FBN2: variants seen among roughly 807,000 people sequenced by gnomAD.
FBN2 encodes fibrillin 2, also known as fibrillin-2.
FBN2 carries 105 observed loss-of-function variants against 355.6 expected under a neutral mutation model. That is an observed-to-expected ratio of 0.30 (90% CI 0.25 to 0.35). The LOEUF is 0.35. Among genes scored for constraint, FBN2 ranks in the 10% least tolerant of loss-of-function variants. The probability of loss-of-function intolerance (pLI) is 1.00; values close to 1 mark genes in which losing one functional copy is unlikely to be tolerated. For missense variants in FBN2, 3,280 were observed against 3,758.7 expected (o/e 0.87, Z 3.33); for synonymous variants, 1,350 against 1,301.2 (o/e 1.04, Z -0.81).
At chr5:128,359,960 G>T (rs765037382) in intron 19 of FBN2, among the ~76,000 whole-genome samples, 1 of 152,156 alleles carries the variant, frequency 6.6e-6, no homozygotes, top group South Asian at 2.1e-4. Flanking sequence ...TCCGCATTAC[G>T]TGTCTCTCAC....
intron 33 of FBN2, among the ~76,000 whole-genome samples, chr5:128,329,969 A>C (rs1355049324): frequency 6.6e-6 from 1 of 152,144 alleles, no homozygotes; most frequent in East Asian, 1.9e-4. Context: ...TATTTACTGA[A>C]ATTTTGTGAT....
intron 5 of FBN2, among the ~76,000 whole-genome samples, chr5:128,480,994 C>T (rs1479609246): frequency 1.3e-5 from 2 of 152,126 alleles, no homozygotes; most frequent in African/African-American, 4.8e-5. Flanking sequence ...AAATGGATAG[C>T]AGGATCCTTC....
intron 11 of FBN2, among the ~76,000 whole-genome samples, chr5:128,390,228 A>G (rs1752476341): frequency 6.6e-6 from 1 of 152,226 alleles, no homozygotes. Context: ...TCTCACTGTT[A>G]AACTTTTTGT....
Position 128,300,778 on chromosome 5 carries a change from T to C in FBN2, c.6166+39A>G, listed in dbSNP as rs1303136913. 4 of 1,608,612 alleles carry C rather than the reference T, an allele frequency of 2.5e-6. No individual in the cohort carries two copies. In the African/African-American group the frequency reaches 5.3e-5, roughly 21 times the overall value. The stretch of plus-strand genomic sequence containing the variant: ...GAGTCTTTACCATGTCTTACTATAC[T>C]GAACTACTAGTGGGCCTCAGAATAA... On this transcript the variant is annotated intron_variant, in intron 48 of 64. Coordinates refer to ENST00000262464, the MANE Select transcript of FBN2 (RefSeq NM_001999.4).
At chr5:128,296,321 G>T (rs1340353933) in intron 48 of FBN2, among the ~76,000 whole-genome samples, 1 of 151,982 alleles carries the variant, frequency 6.6e-6, no homozygotes, top group Non-Finnish European at 1.5e-5. Context: ...GTCTCTGCCC[G>T]GCTTTGGTAT....
At chr5:128,481,226 A>C (rs1043597197) in intron 5 of FBN2, among the ~76,000 whole-genome samples, 2 of 152,232 alleles carry the variant, frequency 1.3e-5, no homozygotes, top group Non-Finnish European at 2.9e-5. Flanking sequence ...ACAATGGACA[A>C]ATACAAAAGC....
At chr5:128,358,520 G>A (rs1486450192) in intron 19 of FBN2, among the ~76,000 whole-genome samples, 2 of 152,038 alleles carry the variant, frequency 1.3e-5, no homozygotes, top group Admixed American at 6.6e-5. Context: ...AGCAAGGCTC[G>A]CAGCGGAATA....
intron 36 of FBN2, among the ~76,000 whole-genome samples, chr5:128,316,118 G>C (rs991111819): frequency 6.6e-6 from 1 of 152,170 alleles, no homozygotes; most frequent in African/African-American, 2.4e-5. Flanking sequence ...CAAGTAAGGT[G>C]TCTCCAGTCT....
At chr5:128,314,915 TA>T (rs1033752329) in intron 36 of FBN2, among the ~76,000 whole-genome samples, 2 of 151,368 alleles carry the variant, frequency 1.3e-5, no homozygotes, top group Non-Finnish European at 2.9e-5. Context: ...TAATTGCTTT[TA>T]AAAAAAAACC....
intron 1 of FBN2, 128 bp from the exon 2 acceptor site, chr5:128,536,612 A>G (rs1330020429): frequency 2.7e-6 from 2 of 737,544 alleles, no homozygotes; most frequent in African/African-American, 3.5e-5. Flanking sequence ...TTACACTTCA[A>G]ATTATTGGAG....
chr5:128,349,935 C>A lies in FBN2; in HGVS notation c.2863+20G>T. ...CTGCTCAAAAGATGTATAGTATCTT[C>A]CAAGGAAGGATACACTCACCTTCAC... On this transcript the variant is annotated intron_variant, in intron 22 of 64. Transcript: ENST00000262464. 1.3e-6 allele frequency: 2 copies of A among 1,591,720 alleles called. No individual in the cohort carries two copies. Among genetic ancestry groups the A allele is most frequent in the Non-Finnish European group, 1.7e-6 (2 of 1,159,424 alleles).
chr5:128,287,530 A>G (rs1749189492), intron 53 of FBN2, 100 bp from the exon 54 acceptor site: 2 of 1,312,146 alleles, frequency 1.5e-6, no homozygotes, highest in Non-Finnish European at 2.2e-6. Context: ...ACACAAAGCA[A>G]TAGAATAGTA....
chr5:128,403,489 T>A (rs1014669641), intron 8 of FBN2, among the ~76,000 whole-genome samples: 33 of 152,320 alleles, frequency 2.2e-4, no homozygotes, highest in African/African-American at 7.5e-4. Flanking sequence ...AGACACATTA[T>A]CCTGCACACA....
intron 25 of FBN2, among the ~76,000 whole-genome samples, chr5:128,343,055 G>A (rs962970168): frequency 2.6e-5 from 4 of 152,138 alleles, no homozygotes; most frequent in Admixed American, 2.0e-4. Flanking sequence ...TCACTAGAGA[G>A]GAGGCTGTGT....
chr5:128,310,432 G>A (rs1447659410), intron 39 of FBN2, among the ~76,000 whole-genome samples: 7 of 119,824 alleles, frequency 5.8e-5, no homozygotes, highest in Admixed American at 1.0e-4. Context: ...ATTGCAATTC[G>A]CATTCTTCAA....
intron 64 of FBN2, among the ~76,000 whole-genome samples, chr5:128,260,848 G>A (rs1041499310): frequency 3.3e-5 from 5 of 152,168 alleles, no homozygotes; most frequent in Non-Finnish European, 7.3e-5. Context: ...AGGTTTTTTG[G>A]TGGGGTAATT....
chr5:128,464,336 TG>T (rs1385587716), intron 6 of FBN2, among the ~76,000 whole-genome samples: 2 of 152,176 alleles, frequency 1.3e-5, no homozygotes, highest in Non-Finnish European at 2.9e-5. Context: ...CCTTGTTACT[TG>T]GGTTCAGATT....
Position 128,280,208 on chromosome 5 carries a change from T to C in FBN2, c.7122A>G (p.Ser2374=), listed in dbSNP as rs1765497989. The change falls in exon 56 of 65, where the codon TCA becomes TCG. Residue 2374 remains serine (S), a synonymous_variant. Coordinates refer to ENST00000262464, the MANE Select transcript of FBN2 (RefSeq NM_001999.4). ...ECNEGFQSSS[S]GTECLDNRQG... ...TCAACTTACCAAGGCATTCAGTGCC[T>C]GAAGAACTTGACTGGAATCCTTCAT... 1 of 1,612,486 alleles carries C rather than the reference T, an allele frequency of 6.2e-7. No homozygotes were observed. The highest frequency in any genetic ancestry group is 2.2e-5 in the East Asian group (1 of 44,768).
chr5:128,316,796 C>G (rs553616935), intron 36 of FBN2, among the ~76,000 whole-genome samples: 1 of 152,290 alleles, frequency 6.6e-6, no homozygotes, highest in African/African-American at 2.4e-5. Context: ...AATGTTTAGA[C>G]TATTCTCTTT....
Sources: allele counts gnomAD v4.1 joint callset (sites outside exome capture counted in the v4.1 genomes callset), GRCh38; gene constraint gnomAD v4.1.1; transcripts MANE v1.5; gene names NCBI Gene and HGNC (gene_info 2026-07-23, HGNC 2026-07-21).